FKBP15: variants seen among roughly 807,000 people sequenced by gnomAD.
FKBP15 encodes FK506-binding protein 15.
In FKBP15, 106 loss-of-function variants were observed where a neutral mutation model predicts 158.1. The observed-to-expected ratio is 0.67, with a 90% CI of 0.57 to 0.79. The LOEUF (loss-of-function observed/expected upper bound fraction) is 0.79. FKBP15 is among the 30% of genes least tolerant of loss of function. FKBP15 has a pLI of 0.00. For missense variants in FKBP15, 1,287 were observed against 1,479.1 expected (o/e 0.87, Z 2.13); for synonymous variants, 547 against 548.6 (o/e 1.00, Z 0.04).
intron 9 of FKBP15, among the ~76,000 whole-genome samples, chr9:113,194,481 T>G (rs1039157061): frequency 2.7e-5 from 4 of 149,890 alleles, no homozygotes; most frequent in Middle Eastern, 7.0e-3. Flanking sequence ...GCAGGTGGAA[T>G]AGGTTACAAA....
At chr9:113,214,264 G>C (rs1831075920) in intron 1 of FKBP15, among the ~76,000 whole-genome samples, 2 of 152,278 alleles carry the variant, frequency 1.3e-5, no homozygotes, top group Non-Finnish European at 2.9e-5. Flanking sequence ...CAAAGTTCTG[G>C]GATTACAGGT....
rs28665246 is a variant in FKBP15 at position 113,203,050 on chromosome 9, C to T, written c.325-15G>A. 2.1e-3 allele frequency: 3,219 copies of T among 1,523,578 alleles called. 53 individuals carry two copies. In the African/African-American group the frequency reaches 0.04, roughly 19 times the overall value. The allele number at this position is 1,523,578 out of a possible 1,614,324, so 94.4% of individuals were successfully genotyped here. A position where few individuals can be genotyped will look rare whatever the true frequency, so the allele number is the denominator to read the frequency against. ...AGAATCCTATACTGTAGACAAGCAACGACAGATAGAAAAAAAAAAAGAGAG... is the reference window on the plus strand; with the variant it reads ...AGAATCCTATACTGTAGACAAGCAATGACAGATAGAAAAAAAAAAAGAGAG... On this transcript the variant is annotated splice_polypyrimidine_tract_variant and intron_variant, in intron 4 of 27. Transcript: ENST00000238256.
chr9:113,190,425 T>C (rs749765518), intron 12 of FKBP15, 46 bp downstream of exon 12: 3 of 1,409,890 alleles, frequency 2.1e-6, no homozygotes, highest in Non-Finnish European at 3.0e-6. Flanking sequence ...AGAAAGATGA[T>C]GGCGACATCT....
Position 113,162,482 on chromosome 9 carries a change from T to C in FKBP15, c.*3596A>G, listed in dbSNP as rs2118840004. ...TATTCCTTATCAGAAAGACAGATTA[T>C]AGATACCCTCATTTTCCCCTTTGCC... On this transcript the variant is annotated 3_prime_UTR_variant, in exon 28 of 28. Coordinates refer to ENST00000238256, the MANE Select transcript of FKBP15 (RefSeq NM_015258.2). The C allele has an allele frequency of 2.9e-6, 1 of 341,942 alleles. No homozygotes were observed. Among genetic ancestry groups the C allele is most frequent in the East Asian group, 6.5e-5 (1 of 15,502 alleles). 21.2% of individuals were successfully genotyped at this position (341,942 alleles called of 1,614,324 possible). A position where few individuals can be genotyped will look rare whatever the true frequency, so the allele number is the denominator to read the frequency against.
At chr9:113,206,186 A>C (rs1384633715) in intron 4 of FKBP15, 1 of 345,328 alleles carries the variant, frequency 2.9e-6, no homozygotes, top group Non-Finnish European at 5.4e-6. Flanking sequence ...ATGTGTATAT[A>C]TATGTGTGTA....
intron 5 of FKBP15, 61 bp from the exon 6 acceptor site, chr9:113,202,690 G>T (rs931989611): frequency 7.5e-7 from 1 of 1,330,398 alleles, no homozygotes; most frequent in Non-Finnish European, 1.1e-6. Context: ...TAAACATGAC[G>T]GCCTAAGCTC....
rs139480373 is a variant in FKBP15 at position 113,200,187 on chromosome 9, A to C, written c.499-224T>G. 5.3e-4 allele frequency among the ~76,000 whole-genome samples: 81 copies of C among 152,312 alleles called. 1 individual carries two copies. The East Asian group carries it at 0.011, about 21-fold the overall frequency. The stretch of plus-strand genomic sequence containing the variant: ...GGTACAGATCCAGGCACTGCCACTT[A>C]TTAACTTTGTGACCCTAGCCAAATA... On this transcript the variant is annotated intron_variant, in intron 6 of 27. Transcript: ENST00000238256.
In FKBP15 at chr9:113,176,120, C is replaced by T. The variant is rs548108118; in HGVS notation, c.2223+417G>A. Among the ~76,000 whole-genome samples the T allele has an allele frequency of 1.4e-4, 22 of 152,286 alleles. No homozygotes were observed. In the South Asian group the frequency reaches 2.7e-3, roughly 19 times the overall value. On this transcript the variant is annotated intron_variant, in intron 21 of 27. Coordinates refer to ENST00000238256, the MANE Select transcript of FKBP15 (RefSeq NM_015258.2). Reference sequence around the variant, plus strand: ...AAAAAATAAAAACATAAATATCCATCGATAGGCAAATCATTAAACAAATTA... The same window carrying T: ...AAAAAATAAAAACATAAATATCCATTGATAGGCAAATCATTAAACAAATTA...
At chr9:113,218,410 T>C (rs1020505443) in intron 1 of FKBP15, among the ~76,000 whole-genome samples, 2 of 139,286 alleles carry the variant, frequency 1.4e-5, no homozygotes, top group African/African-American at 5.3e-5. Context: ...TATATATATA[T>C]ATACATTTCT....
At chr9:113,208,342 AAACAAAAAAAC>A (rs1333219075) in intron 2 of FKBP15, among the ~76,000 whole-genome samples, 3 of 152,206 alleles carry the variant, frequency 2.0e-5, no homozygotes, top group Non-Finnish European at 2.9e-5. Context: ...GTCTCAAAAA[AAACAAAAAAAC>A]AACAAAAAAA....
At chr9:113,205,071 C>T (rs1191677247) in intron 4 of FKBP15, among the ~76,000 whole-genome samples, 2 of 152,110 alleles carry the variant, frequency 1.3e-5, no homozygotes, top group African/African-American at 4.8e-5. Flanking sequence ...GGGATAAAAT[C>T]ATAAAACTCT....
chr9:113,177,968 G>T (rs1212148565), intron 20 of FKBP15, among the ~76,000 whole-genome samples: 2 of 152,106 alleles, frequency 1.3e-5, no homozygotes, highest in Admixed American at 6.5e-5. Flanking sequence ...TTATAATAAT[G>T]CACTATGAGA....
At chr9:113,187,464 C>A in intron 14 of FKBP15, 1 of 237,528 alleles carries the variant, frequency 4.2e-6, no homozygotes, top group South Asian at 5.1e-5. Flanking sequence ...AGCCTGCCAA[C>A]TTTTAGTAGA....
chr9:113,193,861 C>A (rs1033864585), intron 10 of FKBP15, among the ~76,000 whole-genome samples, 166 bp downstream of exon 10: 1 of 152,128 alleles, frequency 6.6e-6, no homozygotes, highest in Non-Finnish European at 1.5e-5. Flanking sequence ...GAATATTAAA[C>A]CTTTGTCAGA....
intron 17 of FKBP15, 106 bp from the exon 18 acceptor site, chr9:113,183,951 G>T: frequency 1.3e-6 from 1 of 795,534 alleles, no homozygotes; most frequent in Non-Finnish European, 2.1e-6. Context: ...CATGTTTTGA[G>T]ACAAAACACT....
At position 113,203,031 on chromosome 9, in the gene FKBP15, C is replaced by T. The variant is rs762454724; in HGVS notation, c.329G>A (p.Arg110Lys). The stretch of plus-strand genomic sequence containing the variant: ...TTGTTGACTGATATAAAGAAGAATC[C>T]TATACTGTAGACAAGCAACGACAGA... ...VLGNHTAREYRILLYISQQQP... is the reference protein window; with the variant it reads ...VLGNHTAREYKILLYISQQQP... The change falls in exon 5 of 28, where the codon AGG becomes AAG. Residue 110 changes from arginine to lysine, a missense_variant. By Grantham distance (26) the Arg-to-Lys change is conservative. Coordinates refer to ENST00000238256, the MANE Select transcript of FKBP15 (RefSeq NM_015258.2). The T allele has an allele frequency of 6.2e-7, 1 of 1,608,292 alleles. No homozygotes were observed. Among genetic ancestry groups the T allele is most frequent in the South Asian group, 1.1e-5 (1 of 90,560 alleles).
In FKBP15 at chr9:113,184,488, G is replaced by A; in HGVS notation, c.1609-89C>T. 9.3e-7 allele frequency: 1 copy of A among 1,077,074 alleles called. No individual in the cohort carries two copies. The highest frequency in any genetic ancestry group is 1.4e-5 in the South Asian group (1 of 73,426). The allele number at this position is 1,077,074 out of a possible 1,614,324, so 66.7% of individuals were successfully genotyped here. On this transcript the variant is annotated intron_variant, in intron 16 of 27. Transcript: ENST00000238256. The surrounding 1 kb of genome is among the most constrained non-coding windows in gnomAD (Gnocchi z 4.5). ...AAGATTTGACCCTGTTGTTAAGGGG[G>A]TTAATGAGTTCCTGGGACAATCTCT...
chr9:113,218,377 TTATATATATATATA>T (rs10539484), intron 1 of FKBP15, among the ~76,000 whole-genome samples: 8,317 of 101,456 alleles, frequency 0.082, 339 homozygotes, highest in African/African-American at 0.13. Context: ...GTAAATACAA[TTATATATATATATA>T]TATATATATA....
At chr9:113,197,153 G>A in intron 8 of FKBP15, 75 bp from the exon 9 acceptor site, 1 of 1,551,856 alleles carries the variant, frequency 6.4e-7, no homozygotes, top group Non-Finnish European at 8.8e-7. Context: ...AGGAGCAACA[G>A]GTTTCACTTA....
Sources: allele counts gnomAD v4.1 joint callset (sites outside exome capture counted in the v4.1 genomes callset), GRCh38; gene constraint gnomAD v4.1.1; non-coding constraint Gnocchi (gnomAD v3.1); transcripts MANE v1.5; gene names NCBI Gene and HGNC (gene_info 2026-07-23, HGNC 2026-07-21).